The following CSMD3 variants were observed in gnomAD, a reference collection of about 807,000 sequenced individuals.
The protein encoded by CSMD3 is CUB and Sushi multiple domains 3.
In CSMD3, 177 loss-of-function variants were observed where a neutral mutation model predicts 435.2. The observed-to-expected ratio is 0.41, with a 90% confidence interval of 0.36 to 0.46. The LOEUF (loss-of-function observed/expected upper bound fraction) is 0.46. Among genes scored for constraint, CSMD3 ranks in the 20% least tolerant of loss-of-function variants. The probability of loss-of-function intolerance (pLI) is 0.34; values close to 1 mark genes in which losing one functional copy is unlikely to be tolerated. For missense variants in CSMD3, 4,265 were observed against 4,504.6 expected (o/e 0.95, Z 1.52); for synonymous variants, 1,656 against 1,520.5 (o/e 1.09, Z -2.07).
chr8:112,825,519 G>T (rs955608786), intron 12 of CSMD3, among the ~76,000 whole-genome samples: 4 of 152,044 alleles, frequency 2.6e-5, no homozygotes, highest in Non-Finnish European at 5.9e-5. Context: ...GGACTTTTTT[G>T]TTGTTGTTGT....
chr8:112,678,177 CTG>C (rs901906694), intron 16 of CSMD3, among the ~76,000 whole-genome samples: 8 of 152,230 alleles, frequency 5.3e-5, no homozygotes, highest in African/African-American at 1.7e-4. Context: ...GATTCCTGAT[CTG>C]TGGCATTGGG....
At chr8:112,467,038 T>C (rs1412469558) in intron 32 of CSMD3, among the ~76,000 whole-genome samples, 2 of 152,130 alleles carry the variant, frequency 1.3e-5, no homozygotes. Context: ...AGAAAAGAAG[T>C]TCAAGGCAGT....
chr8:112,530,765 T>C (rs866291552), intron 27 of CSMD3, among the ~76,000 whole-genome samples: 2 of 152,150 alleles, frequency 1.3e-5, no homozygotes, highest in South Asian at 2.1e-4. Flanking sequence ...TAACACAGCA[T>C]TGGGCAGAAT....
chr8:113,030,891 T>C (rs2087080673), intron 5 of CSMD3, among the ~76,000 whole-genome samples: 1 of 151,518 alleles, frequency 6.6e-6, no homozygotes, highest in Non-Finnish European at 1.5e-5. Flanking sequence ...GATTTACAGA[T>C]GGCAAATAGT....
intron 5 of CSMD3, among the ~76,000 whole-genome samples, chr8:113,019,828 A>G (rs1463501814): frequency 1.3e-5 from 2 of 152,026 alleles, no homozygotes; most frequent in Non-Finnish European, 2.9e-5. Context: ...CTTTTATGTA[A>G]TTTCATAATC....
intron 5 of CSMD3, among the ~76,000 whole-genome samples, chr8:113,078,207 T>G (rs557367979): frequency 3.3e-5 from 5 of 152,328 alleles, no homozygotes; most frequent in African/African-American, 1.2e-4. Context: ...ACTCCTGAAA[T>G]TGTACATTGT....
chr8:113,209,251 C>A (rs2092804732), intron 3 of CSMD3, among the ~76,000 whole-genome samples: 1 of 152,076 alleles, frequency 6.6e-6, no homozygotes, highest in African/African-American at 2.4e-5. Context: ...ACTCATGATA[C>A]AGTGGGAACA....
At chr8:112,259,595 A>G (rs1183382406) in intron 61 of CSMD3, among the ~76,000 whole-genome samples, 7 of 152,192 alleles carry the variant, frequency 4.6e-5, no homozygotes, top group African/African-American at 1.7e-4. Context: ...ATAATAATAA[A>G]TAAATAAATA....
intron 38 of CSMD3, among the ~76,000 whole-genome samples, chr8:112,379,780 G>A (rs892737858): frequency 6.6e-6 from 1 of 152,082 alleles, no homozygotes; most frequent in South Asian, 2.1e-4. Flanking sequence ...ACAAAGATAC[G>A]GTTACCAAAA....
At position 112,325,361 on chromosome 8, in the gene CSMD3, T is replaced by C. The variant is rs75966987; in HGVS notation, c.7166-5380A>G. 2.4e-3 allele frequency among the ~76,000 whole-genome samples: 359 copies of C among 152,244 alleles called. 2 individuals carry two copies. Among genetic ancestry groups the C allele is most frequent in the African/African-American group, 8.3e-3 (344 of 41,574 alleles). ...CCTAGCTCTTTTATAACTTTGAACA[T>C]GACCAAAACAGAGATGTCTTCACTG... On this transcript the variant is annotated intron_variant, in intron 45 of 70. Coordinates refer to ENST00000297405, the MANE Select transcript of CSMD3 (RefSeq NM_198123.2).
At chr8:112,469,954 C>T (rs946938785) in intron 32 of CSMD3, among the ~76,000 whole-genome samples, 2 of 151,978 alleles carry the variant, frequency 1.3e-5, no homozygotes, top group African/African-American at 4.8e-5. Context: ...TATAGCTCAA[C>T]GTGGCAACAG....
intron 6 of CSMD3, among the ~76,000 whole-genome samples, chr8:112,981,953 T>C (rs1257382987): frequency 6.6e-6 from 1 of 151,820 alleles, no homozygotes; most frequent in Non-Finnish European, 1.5e-5. Flanking sequence ...GGAGAATGGA[T>C]AGACATCTCA....
intron 1 of CSMD3, chr8:113,376,810 C>T (rs1450855027): frequency 1.9e-6 from 3 of 1,613,818 alleles, no homozygotes; most frequent in Admixed American, 3.3e-5. Flanking sequence ...CCGGGTTGTG[C>T]TGAAGAGGTT....
At chr8:112,802,975 T>C (rs1425706489) in intron 12 of CSMD3, among the ~76,000 whole-genome samples, 4 of 152,100 alleles carry the variant, frequency 2.6e-5, no homozygotes, top group Non-Finnish European at 5.9e-5. Flanking sequence ...CTGCAATTCT[T>C]TCTCCTAAAC....
intron 4 of CSMD3, among the ~76,000 whole-genome samples, chr8:113,149,315 G>T (rs2091752096): frequency 6.6e-6 from 1 of 151,722 alleles, no homozygotes; most frequent in Non-Finnish European, 1.5e-5. Flanking sequence ...ATGTGATCTG[G>T]TCTCTGCATC....
At chr8:113,370,217 A>C (rs974517871) in intron 1 of CSMD3, among the ~76,000 whole-genome samples, 1 of 151,330 alleles carries the variant, frequency 6.6e-6, no homozygotes, top group Non-Finnish European at 1.5e-5. Context: ...AATAAATTTA[A>C]AAAAACACAT....
chr8:112,767,973 C>T (rs2078020783), intron 13 of CSMD3, among the ~76,000 whole-genome samples: 1 of 151,554 alleles, frequency 6.6e-6, no homozygotes, highest in Non-Finnish European at 1.5e-5. Context: ...AATCTCTGGG[C>T]CCAATTTAGA....
intron 1 of CSMD3, among the ~76,000 whole-genome samples, chr8:113,413,894 A>C (rs1312294083): frequency 1.3e-5 from 2 of 152,190 alleles, no homozygotes; most frequent in African/African-American, 4.8e-5. Flanking sequence ...ATGTCCTCAG[A>C]AGGTTATTTG....
chr8:112,780,101 A>T (rs1461507260), intron 13 of CSMD3, among the ~76,000 whole-genome samples: 1 of 152,064 alleles, frequency 6.6e-6, no homozygotes, highest in Non-Finnish European at 1.5e-5. Flanking sequence ...TTTTCATAGG[A>T]ATTGTGGTGA....
Sources: allele counts gnomAD v4.1 joint callset (sites outside exome capture counted in the v4.1 genomes callset), GRCh38; gene constraint gnomAD v4.1.1; transcripts MANE v1.5; gene names NCBI Gene and HGNC (gene_info 2026-07-23, HGNC 2026-07-21).